Variants in CNBD1 observed in about 807,000 individuals in gnomAD.
CNBD1 encodes the protein cyclic nucleotide binding domain containing 1.
Under a neutral mutation model 54.4 loss-of-function variants are expected in CNBD1, and 71 were observed. That is an observed-to-expected ratio of 1.30 (90% CI 1.08 to 1.59). CNBD1 has a LOEUF of 1.59. Ranked by LOEUF, CNBD1 falls within the 40% of genes most tolerant of loss-of-function variation. The pLI is 0.00. For missense variants in CNBD1, 659 were observed against 518.0 expected (o/e 1.27, Z -2.64); for synonymous variants, 182 against 170.7 (o/e 1.07, Z -0.51).
intron 2 of CNBD1, among the ~76,000 whole-genome samples, chr8:86,902,782 G>A (rs1158599134): frequency 3.3e-5 from 5 of 151,892 alleles, no homozygotes; most frequent in Non-Finnish European, 2.9e-5. Flanking sequence ...GGTCAGATAG[G>A]TATTTAGGTC....
intron 10 of CNBD1, among the ~76,000 whole-genome samples, chr8:87,370,194 G>T (rs1406169906): frequency 6.6e-6 from 1 of 151,854 alleles, no homozygotes; most frequent in Non-Finnish European, 1.5e-5. Context: ...ACATACGTGT[G>T]CATGTGTCTT....
chr8:86,966,891 T>C (rs960845912), intron 4 of CNBD1, among the ~76,000 whole-genome samples: 4 of 152,146 alleles, frequency 2.6e-5, no homozygotes, highest in Non-Finnish European at 5.9e-5. Context: ...TTTATTCCCT[T>C]ATTTGGCCCC....
At chr8:87,172,966 C>T (rs775715484) in intron 4 of CNBD1, among the ~76,000 whole-genome samples, 1 of 151,812 alleles carries the variant, frequency 6.6e-6, no homozygotes, top group Non-Finnish European at 1.5e-5. Flanking sequence ...TTTCTTTTCT[C>T]CCTTTTAGTG....
chr8:87,326,912 G>A (rs1433146467), intron 8 of CNBD1, among the ~76,000 whole-genome samples: 1 of 85,288 alleles, frequency 1.2e-5, no homozygotes, highest in South Asian at 4.1e-4. Flanking sequence ...TTTCTGTTCT[G>A]TTTTTTCCCC....
chr8:87,019,943 G>A (rs1222170956), intron 4 of CNBD1, among the ~76,000 whole-genome samples: 1 of 152,020 alleles, frequency 6.6e-6, no homozygotes, highest in Non-Finnish European at 1.5e-5. Flanking sequence ...TCTCAAGTAA[G>A]ATTTATCAAA....
chr8:86,997,445 A>G (rs919034770), intron 4 of CNBD1, among the ~76,000 whole-genome samples: 2 of 152,172 alleles, frequency 1.3e-5, no homozygotes, highest in Non-Finnish European at 2.9e-5. Context: ...AGTATTCACA[A>G]TCCTTTGATT....
At chr8:87,377,505 G>A (rs555980485) in intron 10 of CNBD1, among the ~76,000 whole-genome samples, 5 of 151,952 alleles carry the variant, frequency 3.3e-5, no homozygotes, top group South Asian at 2.1e-4. Context: ...TGGCTGCATA[G>A]TATTCCATGT....
At chr8:86,885,984 A>AT (rs989646846) in intron 1 of CNBD1, among the ~76,000 whole-genome samples, 1 of 152,048 alleles carries the variant, frequency 6.6e-6, no homozygotes, top group Non-Finnish European at 1.5e-5. Flanking sequence ...TATAAGTCTT[A>AT]TTTTTTTGTC....
chr8:87,206,123 T>C lies in CNBD1; in HGVS notation c.562T>C (p.Leu188=). The change falls in exon 5 of 11, where the codon TTG becomes CTG. Residue 188 remains leucine (L), a synonymous_variant. Transcript: ENST00000518476. ...TAAGACTGTCTTTTCCGAAACCTGG[T>C]TGAAAGGCAGCACAGGTAATAGACT... ...LSKTVFSETW[L]KGSTVVANDG... is the part of the protein sequence containing the mutation. 3.8e-6 allele frequency: 6 copies of C among 1,589,214 alleles called. No individual in the cohort carries two copies. The highest frequency in any genetic ancestry group is 5.1e-6 in the Non-Finnish European group (6 of 1,169,830).
intron 4 of CNBD1, among the ~76,000 whole-genome samples, chr8:87,170,987 T>A (rs1490414386): frequency 6.6e-6 from 1 of 152,168 alleles, no homozygotes; most frequent in East Asian, 1.9e-4. Context: ...GTGTATGTGA[T>A]GTGTCTTTGT....
chr8:87,222,853 T>C (rs1213915326), intron 5 of CNBD1, among the ~76,000 whole-genome samples: 1 of 152,146 alleles, frequency 6.6e-6, no homozygotes, highest in Admixed American at 6.6e-5. Context: ...TATTTTCAAA[T>C]ATGGGGTCCT....
chr8:86,905,625 C>T (rs920841480), intron 3 of CNBD1, among the ~76,000 whole-genome samples: 2 of 152,012 alleles, frequency 1.3e-5, no homozygotes, highest in African/African-American at 4.8e-5. Flanking sequence ...GCCTTTTTTA[C>T]TGGGCTCCTG....
chr8:86,958,740 T>A (rs888870921), intron 4 of CNBD1, among the ~76,000 whole-genome samples: 3 of 152,142 alleles, frequency 2.0e-5, no homozygotes, highest in Admixed American at 6.5e-5. Flanking sequence ...ATGAGATGGG[T>A]CTCCTGAATA....
In CNBD1 at chr8:87,237,111, T is replaced by C. The variant is rs1426582135; in HGVS notation, c.770T>C (p.Met257Thr). Reference sequence around the variant, plus strand: ...ATGTACCTACCTTCATATGACTCAATGGTAAGAGATGAGTATTTGCTTTTT... The same window carrying C: ...ATGTACCTACCTTCATATGACTCAACGGTAAGAGATGAGTATTTGCTTTTT... ...AEMYLPSYDS[M>T]LSKWSTFGTL... Residue 257 changes from methionine (M) to threonine (T), a missense_variant and splice_region_variant, in exon 6 of 11, where the codon ATG becomes ACG. Transcript: ENST00000518476. 1 of 1,584,066 alleles carries C rather than the reference T, an allele frequency of 6.3e-7. No individual in the cohort carries two copies. The highest frequency in any genetic ancestry group is 8.6e-7 in the Non-Finnish European group (1 of 1,160,912).
At chr8:87,068,478 A>G (rs1420648882) in intron 4 of CNBD1, among the ~76,000 whole-genome samples, 1 of 152,042 alleles carries the variant, frequency 6.6e-6, no homozygotes, top group Non-Finnish European at 1.5e-5. Flanking sequence ...GCTCCAGGTG[A>G]TTAAATACGT....
chr8:86,878,623 C>T (rs1586106154), intron 1 of CNBD1, among the ~76,000 whole-genome samples: 1 of 152,034 alleles, frequency 6.6e-6, no homozygotes, highest in Non-Finnish European at 1.5e-5. Flanking sequence ...TGTTTAACCC[C>T]GCCTTTCATG....
intron 5 of CNBD1, among the ~76,000 whole-genome samples, chr8:87,212,146 C>G (rs2915530): frequency 0.4 from 59,975 of 151,828 alleles, 13,304 homozygotes; most frequent in Non-Finnish European, 0.5. Flanking sequence ...ATATAACCTG[C>G]TTAGGAATAA....
intron 4 of CNBD1, among the ~76,000 whole-genome samples, chr8:87,080,583 A>T (rs888917740): frequency 6.6e-6 from 1 of 152,104 alleles, no homozygotes; most frequent in Non-Finnish European, 1.5e-5. Flanking sequence ...AAAAAAAAAA[A>T]ATAGATTTTT....
intron 4 of CNBD1, among the ~76,000 whole-genome samples, chr8:86,998,433 C>T (rs1030114264): frequency 6.6e-6 from 1 of 152,076 alleles, no homozygotes; most frequent in Non-Finnish European, 1.5e-5. Context: ...TGCAAAAAAA[C>T]TGGCAGCAAA....
Sources: gnomAD v4.1 joint callset for allele counts (sites outside exome capture counted in the v4.1 genomes callset) on GRCh38, gnomAD v4.1.1 for gene constraint, MANE v1.5 for transcripts, NCBI Gene and HGNC (gene_info 2026-07-23, HGNC 2026-07-21) for gene names.